The following GAREM2 variants were observed in gnomAD, a reference collection of about 807,000 sequenced individuals.
GAREM2 encodes the protein GRB2 associated regulator of MAPK1 subtype 2, also known as GRB2-associated and regulator of MAPK protein 2.
In GAREM2, 30 loss-of-function variants were observed where a neutral mutation model predicts 55.6. The observed-to-expected ratio is 0.54, with a 90% CI of 0.40 to 0.73. The LOEUF (loss-of-function observed/expected upper bound fraction) is 0.73. Ranked by LOEUF, GAREM2 falls within the 30% of genes least tolerant of loss-of-function variation. The pLI, the probability that GAREM2 is intolerant of heterozygous loss-of-function variation, is 0.00. For missense variants in GAREM2, 1,075 were observed against 1,257.7 expected, an observed-to-expected ratio of 0.85 and a Z score of 2.20; for synonymous variants, 550 against 569.1, an observed-to-expected ratio of 0.97 and a Z score of 0.48.
chr2:26,174,825 A>G (rs1360382998), intron 1 of GAREM2, among the ~76,000 whole-genome samples: 2 of 152,186 alleles, frequency 1.3e-5, no homozygotes, highest in Non-Finnish European at 2.9e-5. Context: ...GGTGACAAGC[A>G]TCTGTCACTG....
the GAREM2 span, among the ~76,000 whole-genome samples, chr2:26,197,025 T>C: frequency 6.6e-6 from 1 of 152,244 alleles, no homozygotes; most frequent in African/African-American, 2.4e-5. Context: ...TTTCAGTACA[T>C]AGAATTTGTA....
In GAREM2 at chr2:26,184,324, TC is replaced by T. The variant is rs1669147619; in HGVS notation, c.478del (p.Leu160CysfsTer60). On this transcript the variant is annotated frameshift_variant, in exon 4 of 6. Transcript: ENST00000401533. LOFTEE classifies it high-confidence loss of function. The part of the protein sequence containing the change: ...DELTLMGQAE[I>X]LCAKTTKERS... The stretch of plus-strand genomic sequence containing the variant: ...CTCACTCTTATGGGCCAGGCGGAGA[TC>T]CTGTGCGCCAAGACCACCAAGGAGC... The T allele has an allele frequency of 3.2e-6, 5 of 1,550,662 alleles. No individual in the cohort carries two copies. Among genetic ancestry groups the T allele is most frequent in the Non-Finnish European group, 4.4e-6 (5 of 1,146,708 alleles).
intron 2 of GAREM2, chr2:26,180,793 T>C (rs984163208): frequency 8.8e-5 from 37 of 421,112 alleles, no homozygotes; most frequent in Non-Finnish European, 1.2e-4. Context: ...GTTTTTTGTA[T>C]TTTTAGTAGA....
rs2147741770 is a variant in GAREM2, at chr2:26,187,502, T to C, written c.1870T>C (p.Phe624Leu). Reference sequence around the variant, plus strand: ...CAAGCCCTCACATCCCCAGAAGCGCTTTGCTCCGTTTGGAGCTCTCAACCC... The same window carrying C: ...CAAGCCCTCACATCCCCAGAAGCGCCTTGCTCCGTTTGGAGCTCTCAACCC... ...LFKPSHPQKRFAPFGALNPFS... is the reference protein window; with the variant it reads ...LFKPSHPQKRLAPFGALNPFS... The change falls in exon 6 of 6, where the codon TTT becomes CTT. Residue 624 changes from phenylalanine to leucine, a missense_variant. Transcript: ENST00000401533. The C allele has an allele frequency of 6.5e-7, 1 of 1,543,832 alleles. No individual in the cohort carries two copies. The highest frequency in any genetic ancestry group is 8.7e-7 in the Non-Finnish European group (1 of 1,143,250).
At chr2:26,192,769 A>G (rs1331538038), downstream of GAREM2, among the ~76,000 whole-genome samples, 4 of 152,134 alleles carry the variant, frequency 2.6e-5, no homozygotes, top group Non-Finnish European at 5.9e-5. Flanking sequence ...AAAGACCCTG[A>G]CCTGAGAATT....
Position 26,184,658 on chromosome 2 carries a change from C to A in GAREM2, c.810C>A (p.Pro270=). The change falls in exon 4 of 6, where the codon CCC becomes CCA. Residue 270 remains proline, a synonymous_variant. Transcript: ENST00000401533. The part of the protein sequence containing the change: ...RVRLPVNVLV[P]SRPPRNPYDL... The stretch of plus-strand genomic sequence containing the variant: ...GGCTGCCGGTGAACGTGCTGGTGCC[C>A]AGCCGGCCGCCGCGCAACCCCTACG... The A allele has an allele frequency of 6.5e-7, 1 of 1,544,798 alleles. No individual in the cohort carries two copies. Among genetic ancestry groups the A allele is most frequent in the Non-Finnish European group, 8.7e-7 (1 of 1,144,642 alleles).
At chr2:26,181,440 A>G (rs1574589446) in intron 2 of GAREM2, 1 of 152,178 alleles carries the variant, frequency 6.6e-6, no homozygotes, top group Middle Eastern at 3.2e-3. Context: ...GGTTTTGCCT[A>G]CCTAGCCGTC....
Position 26,186,391 on chromosome 2 carries a change from T to A in GAREM2, c.1598+33T>A, listed in dbSNP as rs776701567. 33 of 1,541,960 alleles carry A rather than the reference T, an allele frequency of 2.1e-5. No individual in the cohort carries two copies. In the East Asian group the frequency reaches 6.1e-4, roughly 29 times the overall value. ...CCTGCCTTCCCTTGGTCCTGAGTTC[T>A]AAGGTAGATCAAGGCAGGGAAGGGT... On this transcript the variant is annotated intron_variant, in intron 5 of 5. Transcript: ENST00000401533.
Position 26,186,216 on chromosome 2 carries a change from G to A in GAREM2, c.1456G>A (p.Ala486Thr). The A allele has an allele frequency of 6.5e-7, 1 of 1,536,928 alleles. No homozygotes were observed. Among genetic ancestry groups the A allele is most frequent in the Non-Finnish European group, 8.8e-7 (1 of 1,139,514 alleles). Residue 486 changes from alanine to threonine, a missense_variant, in exon 5 of 6, where the codon GCC becomes ACC. Physicochemically the swap from Ala to Thr is moderately conservative, Grantham distance 58 (BLOSUM62 0). This residue lies in a region of GAREM2 where 515 missense variants were observed against 501.5 expected (regional missense o/e 1.03). Transcript: ENST00000401533. ...GAAGGAGGAGTGCCGCCTGCTCAAT[G>A]CCCCTCCAGTGCCTCCCCGGGGTGG... is the stretch of plus-strand genomic sequence containing the variant. ...AVKEECRLLN[A>T]PPVPPRGGNG...
intron 2 of GAREM2, chr2:26,180,883 G>T: frequency 1.0e-6 from 1 of 985,278 alleles, no homozygotes; most frequent in Non-Finnish European, 1.2e-6. Context: ...CTCCCAAAGT[G>T]CTGGGTTACA....
In GAREM2 at chr2:26,184,853, G is replaced by A. The variant is rs917575464; in HGVS notation, c.1005G>A (p.Pro335=). Reference sequence around the variant, plus strand: ...CGCAGGGCCTGCTGGCCGGGGACCCGCGCGTCGAGCGCCTGGTGCGCGACA... The same window carrying A: ...CGCAGGGCCTGCTGGCCGGGGACCCACGCGTCGAGCGCCTGGTGCGCGACA... The part of the protein sequence containing the change: ...ALPQGLLAGD[P]RVERLVRDSA... The change falls in exon 4 of 6, where the codon CCG becomes CCA. Residue 335 remains proline, a synonymous_variant. Coordinates refer to ENST00000401533, the MANE Select transcript of GAREM2 (RefSeq NM_001168241.2). The A allele has an allele frequency of 1.4e-6, 2 of 1,469,876 alleles. No individual in the cohort carries two copies. The highest frequency in any genetic ancestry group is 5.1e-5 in the Admixed American group (2 of 39,468). The allele number at this position is 1,469,876 out of a possible 1,614,324, so 91.1% of individuals were successfully genotyped here.
At chr2:26,187,034 C>G (rs1026007707) in intron 5 of GAREM2, among the ~76,000 whole-genome samples, 197 bp from the exon 6 acceptor site, 5 of 152,158 alleles carry the variant, frequency 3.3e-5, no homozygotes, top group African/African-American at 1.2e-4. Context: ...TTCATTTTTC[C>G]CCTGTGTTTT....
Position 26,186,376 on chromosome 2 carries a change from C to G in GAREM2, c.1598+18C>G, listed in dbSNP as rs775728982. On this transcript the variant is annotated intron_variant, in intron 5 of 5. Coordinates refer to ENST00000401533, the MANE Select transcript of GAREM2 (RefSeq NM_001168241.2). ...CAGGATGGGTGAGTCCCTGCCTTCC[C>G]TTGGTCCTGAGTTCTAAGGTAGATC... The G allele has an allele frequency of 1.3e-6, 2 of 1,550,584 alleles. No individual in the cohort carries two copies. The highest frequency in any genetic ancestry group is 2.4e-5 in the South Asian group (2 of 84,028).
chr2:26,185,594 G>A (rs144009341), intron 4 of GAREM2, among the ~76,000 whole-genome samples: 32 of 152,328 alleles, frequency 2.1e-4, no homozygotes, highest in African/African-American at 3.8e-4. Flanking sequence ...TGAAAAGAAG[G>A]TTCCTTGGCG....
At chr2:26,183,421 T>C (rs557083081) in intron 3 of GAREM2, among the ~76,000 whole-genome samples, 8 of 152,068 alleles carry the variant, frequency 5.3e-5, no homozygotes, top group Admixed American at 3.9e-4. Flanking sequence ...GAGCAGGCAG[T>C]GTAAATAGAC....
At chr2:26,176,613 C>A in intron 2 of GAREM2, 129 bp downstream of exon 2, 1 of 765,778 alleles carries the variant, frequency 1.3e-6, no homozygotes. Flanking sequence ...AGTCAGAGCC[C>A]AGCAGTTTTC....
Position 26,173,242 on chromosome 2 carries a change from C to G in GAREM2, c.22C>G (p.Leu8Val), listed in dbSNP as rs1201262494. The change falls in exon 1 of 6, where the codon CTG (leucine) becomes GTG (valine). Residue 8 changes from leucine to valine, a missense_variant. Physicochemically the swap from Leu to Val is conservative, Grantham distance 32 (BLOSUM62 1). Coordinates refer to ENST00000401533, the MANE Select transcript of GAREM2 (RefSeq NM_001168241.2). MEKLAAG[L>V]AGLRWSMGAF... ...TGCCATGGAGAAGCTGGCGGCCGGG[C>G]TGGCCGGCCTGCGCTGGAGCATGGG... 2 of 1,342,132 alleles carry G rather than the reference C, an allele frequency of 1.5e-6. No individual in the cohort carries two copies. Among genetic ancestry groups the G allele is most frequent in the Non-Finnish European group, 1.9e-6 (2 of 1,043,752 alleles). 83.1% of individuals were successfully genotyped at this position (1,342,132 alleles called of 1,614,324 possible). A position where few individuals can be genotyped will look rare whatever the true frequency, so the allele number is the denominator to read the frequency against.
chr2:26,189,059 C>T lies in GAREM2; in HGVS notation c.*802C>T, dbSNP rs564125259. On this transcript the variant is annotated 3_prime_UTR_variant, in exon 6 of 6. Coordinates refer to ENST00000401533, the MANE Select transcript of GAREM2 (RefSeq NM_001168241.2). ...GCGTTCAGTCTCAGAATACTGATTCCGTGGAAGAGCAGGTTGATTTAGGTC... is the reference window on the plus strand; with the variant it reads ...GCGTTCAGTCTCAGAATACTGATTCTGTGGAAGAGCAGGTTGATTTAGGTC... The T allele has an allele frequency of 1.1e-4, 16 of 152,292 alleles. No individual in the cohort carries two copies. Among genetic ancestry groups the T allele is most frequent in the South Asian group, 2.1e-4 (1 of 4,830 alleles). The allele number at this position is 152,292 out of a possible 1,614,324, so 9.4% of individuals were successfully genotyped here.
rs1669381799 is a variant in GAREM2 at position 26,188,689 on chromosome 2, C to T, written c.*432C>T. 6.3e-6 allele frequency: 1 copy of T among 157,618 alleles called. No homozygotes were observed. 9.8% of individuals were successfully genotyped at this position (157,618 alleles called of 1,614,324 possible). A position where few individuals can be genotyped will look rare whatever the true frequency, so the allele number is the denominator to read the frequency against. On this transcript the variant is annotated 3_prime_UTR_variant, in exon 6 of 6. Coordinates refer to ENST00000401533, the MANE Select transcript of GAREM2 (RefSeq NM_001168241.2). ...TTTAAGCACCGATTTCCCAAGTGCCCACTCTCCTTTGTGCTCTGTTGGCTT... is the reference window on the plus strand; with the variant it reads ...TTTAAGCACCGATTTCCCAAGTGCCTACTCTCCTTTGTGCTCTGTTGGCTT...
Sources: allele counts gnomAD v4.1 joint callset (sites outside exome capture counted in the v4.1 genomes callset), GRCh38; gene constraint gnomAD v4.1.1; regional missense constraint gnomAD v4.1.1; transcripts MANE v1.5; gene names NCBI Gene and HGNC (gene_info 2026-07-23, HGNC 2026-07-21).